Variants in RSF1 observed in about 807,000 individuals in gnomAD.
RSF1 encodes HBV pX-associated protein 8.
In RSF1, 13 loss-of-function variants were observed where a neutral mutation model predicts 145.2. The ratio of observed to expected loss-of-function variants is 0.09; its 90% confidence interval spans 0.06 to 0.14. The LOEUF (loss-of-function observed/expected upper bound fraction) is 0.14, where lower values mean the gene tolerates loss of function less well. Among genes scored for constraint, RSF1 ranks in the 10% least tolerant of loss-of-function variants. RSF1 has a pLI of 1.00. For synonymous variants in RSF1, 577 were observed against 592.6 expected, an observed-to-expected ratio of 0.97 and a Z score of 0.38; for missense variants, 1,517 against 1,718.2, an observed-to-expected ratio of 0.88 and a Z score of 2.07.
At chr11:77,706,258 A>AAAT (rs1960548113) in intron 5 of RSF1, among the ~76,000 whole-genome samples, 1 of 151,774 alleles carries the variant, frequency 6.6e-6, no homozygotes, top group African/African-American at 2.4e-5. Context: ...AAAAAAAAAA[A>AAAT]AATTAAGACT....
chr11:77,857,677 C>G, the RSF1 span, among the ~76,000 whole-genome samples: 1 of 150,516 alleles, frequency 6.6e-6, no homozygotes, highest in African/African-American at 2.4e-5. Context: ...TTTGCTGCAC[C>G]TATCAACCCA....
Position 77,701,635 on chromosome 11 carries a change from G to A in RSF1, c.1594C>T (p.Pro532Ser), listed in dbSNP as rs749734768. The change falls in exon 6 of 16, where the codon CCC (proline) becomes TCC (serine). Residue 532 changes from proline (P) to serine (S), a missense_variant. Pro to Ser is a moderately conservative substitution (Grantham distance 74, BLOSUM62 -1). This residue lies in a region of RSF1 where 579 missense variants were observed against 553.5 expected (regional missense o/e 1.05). Coordinates refer to ENST00000308488, the MANE Select transcript of RSF1 (RefSeq NM_016578.4). ...IHSQKAQIEEPDPPEMETSLD... is the reference protein window; with the variant it reads ...IHSQKAQIEESDPPEMETSLD... ...GAAGTTTCCATTTCTGGAGGATCGG[G>A]TTCCTCTATTTGTGCTTTTTGACTA... is the stretch of plus-strand genomic sequence containing the variant. The A allele has an allele frequency of 5.6e-6, 9 of 1,613,948 alleles. No individual in the cohort carries two copies. The highest frequency in any genetic ancestry group is 5.9e-6 in the Non-Finnish European group (7 of 1,180,016).
the RSF1 span, chr11:77,869,664 C>A: frequency 1.4e-6 from 2 of 1,459,476 alleles, no homozygotes; most frequent in Non-Finnish European, 9.6e-7. Flanking sequence ...CACAAGAATG[C>A]CTATTGCAAT....
chr11:77,783,775 G>A (rs1164135087), intron 1 of RSF1, among the ~76,000 whole-genome samples: 3 of 152,078 alleles, frequency 2.0e-5, no homozygotes, highest in Non-Finnish European at 4.4e-5. Flanking sequence ...CCAGGAAGTT[G>A]AGGCTGCAGT....
At chr11:77,723,143 A>C (rs1960977528) in intron 5 of RSF1, among the ~76,000 whole-genome samples, 1 of 152,228 alleles carries the variant, frequency 6.6e-6, no homozygotes, top group African/African-American at 2.4e-5. Flanking sequence ...GAAATTCAAC[A>C]GGAGGCTCAG....
At chr11:77,700,349 CAAAAAAA>C (rs71046906) in intron 6 of RSF1, among the ~76,000 whole-genome samples, 9 of 47,196 alleles carry the variant, frequency 1.9e-4, no homozygotes, top group Admixed American at 7.0e-4. Context: ...GACTGTCTCA[CAAAAAAA>C]AAAAAAAAAA....
chr11:77,667,372 C>G lies in RSF1; in HGVS notation c.3871G>C (p.Glu1291Gln). 6.2e-7 allele frequency: 1 copy of G among 1,613,970 alleles called. No homozygotes were observed. Among genetic ancestry groups the G allele is most frequent in the Non-Finnish European group, 8.5e-7 (1 of 1,179,932 alleles). The change falls in exon 16 of 16, where the codon GAG (glutamate) becomes CAG (glutamine). Residue 1291 changes from glutamate (E) to glutamine (Q), a missense_variant. By Grantham distance (29) the Glu-to-Gln change is conservative. Around this residue, in one of 12 missense-constraint regions of RSF1, gnomAD observed 240 missense variants for 231.8 expected, o/e 1.04. Coordinates refer to ENST00000308488, the MANE Select transcript of RSF1 (RefSeq NM_016578.4). ...CGTTTGCGGGATGGTTTGCCTTCCT[C>G]TTCCTCCTCCTCCTCATCTGCTTCT... ...YSEADEEEEE[E>Q]EGKPSRKRLH...
chr11:77,853,908 T>C, the RSF1 span, among the ~76,000 whole-genome samples: 1 of 151,550 alleles, frequency 6.6e-6, no homozygotes, highest in South Asian at 2.1e-4. Flanking sequence ...ACCACTGTAC[T>C]CCAGCCTGAG....
In RSF1 at chr11:77,747,145, A is replaced by G. The variant is rs756481045; in HGVS notation, c.280-17T>C. On this transcript the variant is annotated splice_polypyrimidine_tract_variant and intron_variant, in intron 2 of 15. Transcript: ENST00000308488. ...TTGGCATATCTGTCAGATAAAGTTAATATCTTAATACATGAAAGCAATTTT... is the reference window on the plus strand; with the variant it reads ...TTGGCATATCTGTCAGATAAAGTTAGTATCTTAATACATGAAAGCAATTTT... 3.3e-6 allele frequency: 5 copies of G among 1,525,654 alleles called. No individual in the cohort carries two copies. The highest frequency in any genetic ancestry group is 3.6e-6 in the Non-Finnish European group (4 of 1,102,042). The allele number at this position is 1,525,654 out of a possible 1,614,324, so 94.5% of individuals were successfully genotyped here. A position where few individuals can be genotyped will look rare whatever the true frequency, so the allele number is the denominator to read the frequency against.
chr11:77,698,863 T>A (rs1960346064), intron 6 of RSF1, among the ~76,000 whole-genome samples, 170 bp from the exon 7 acceptor site: 1 of 152,236 alleles, frequency 6.6e-6, no homozygotes, highest in South Asian at 2.1e-4. Flanking sequence ...TTGGTATATA[T>A]TTCCACTATT....
chr11:77,669,525 T>C (rs1323178560), intron 15 of RSF1, among the ~76,000 whole-genome samples: 1 of 152,338 alleles, frequency 6.6e-6, no homozygotes, highest in African/African-American at 2.4e-5. Flanking sequence ...TGATAAACAC[T>C]AGTCACATGT....
At chr11:77,835,710 G>A in the RSF1 span, among the ~76,000 whole-genome samples, 2 of 152,110 alleles carry the variant, frequency 1.3e-5, no homozygotes. Flanking sequence ...CTTGAGATCA[G>A]GAATTTGAGA....
chr11:77,750,491 A>G (rs1344062234), intron 2 of RSF1, among the ~76,000 whole-genome samples: 2 of 152,242 alleles, frequency 1.3e-5, no homozygotes, highest in Non-Finnish European at 2.9e-5. Context: ...TTTTTCTCCC[A>G]ATCATCTAAA....
chr11:77,692,402 G>A (rs1290033582), intron 8 of RSF1, among the ~76,000 whole-genome samples: 1 of 121,230 alleles, frequency 8.2e-6, no homozygotes, highest in Non-Finnish European at 1.6e-5. Flanking sequence ...CCGCCACTAC[G>A]CCCGGCTAAT....
chr11:77,791,253 T>C (rs962677519), intron 1 of RSF1, among the ~76,000 whole-genome samples: 1 of 152,194 alleles, frequency 6.6e-6, no homozygotes, highest in Non-Finnish European at 1.5e-5. Flanking sequence ...GCTTGAGGCT[T>C]CCACCCTCTG....
chr11:77,777,515 C>A (rs1948354595), intron 1 of RSF1, among the ~76,000 whole-genome samples: 1 of 152,140 alleles, frequency 6.6e-6, no homozygotes, highest in Admixed American at 6.5e-5. Context: ...ATCGCTTGAA[C>A]CTGGAAGGTG....
intron 5 of RSF1, among the ~76,000 whole-genome samples, chr11:77,707,241 T>C (rs904782166): frequency 6.6e-6 from 1 of 152,182 alleles, no homozygotes; most frequent in Admixed American, 6.5e-5. Flanking sequence ...GCTGACTAAA[T>C]TGAATAACTG....
the RSF1 span, among the ~76,000 whole-genome samples, chr11:77,835,920 A>C: frequency 1.2e-3 from 180 of 152,268 alleles, no homozygotes; most frequent in Non-Finnish European, 2.1e-3. Context: ...AAAAGAAAAA[A>C]AAAATAATAA....
Position 77,772,848 on chromosome 11 carries a change from GAAAAAAAAAAA to G in RSF1, c.188-8170_188-8160del, listed in dbSNP as rs1161762028. 7.0e-5 allele frequency among the ~76,000 whole-genome samples: 6 copies of G among 85,192 alleles called. No homozygotes were observed. The East Asian group carries it at 1.9e-3, about 27-fold the overall frequency. 55.9% of individuals were successfully genotyped at this position (85,192 alleles called of 152,430 possible). On this transcript the variant is annotated intron_variant, in intron 1 of 15. Transcript: ENST00000308488. ...GATGTGACAAGAGTTGCCCAAGATG[GAAAAAAAAAAA>G]AAAAAAAAAAAAGGGCCAAGAAGAA...
Sources: gnomAD v4.1 joint callset for allele counts (sites outside exome capture counted in the v4.1 genomes callset) on GRCh38, gnomAD v4.1.1 for gene constraint, gnomAD v4.1.1 regional missense constraint, MANE v1.5 for transcripts, NCBI Gene and HGNC (gene_info 2026-07-23, HGNC 2026-07-21) for gene names.